The following GRB14 variants were observed in gnomAD, a reference collection of about 807,000 sequenced individuals.
GRB14 encodes the protein growth factor receptor-bound protein 14.
A neutral mutation model predicts 69.1 loss-of-function variants in GRB14; 38 were observed. The ratio of observed to expected loss-of-function variants is 0.55; its 90% CI spans 0.42 to 0.72. The LOEUF is 0.72. GRB14 is among the 30% of genes least tolerant of loss of function. The pLI is 0.00. For synonymous variants in GRB14, 247 were observed against 241.3 expected (o/e 1.02, Z -0.22); for missense variants, 666 against 666.1 (o/e 1.00, Z 0.00).
At chr2:164,605,897 C>T (rs1450844174) in intron 2 of GRB14, among the ~76,000 whole-genome samples, 1 of 152,106 alleles carries the variant, frequency 6.6e-6, no homozygotes, top group African/African-American at 2.4e-5. Flanking sequence ...GGAGCCACTT[C>T]CCACAGAAAT....
intron 2 of GRB14, among the ~76,000 whole-genome samples, chr2:164,551,534 T>C (rs1688537993): frequency 6.6e-6 from 1 of 152,186 alleles, no homozygotes; most frequent in Admixed American, 6.5e-5. Context: ...TAAATAGGAT[T>C]AGTGTCCTAT....
chr2:164,604,295 G>A (rs964781025), intron 2 of GRB14, among the ~76,000 whole-genome samples: 3 of 152,102 alleles, frequency 2.0e-5, no homozygotes, highest in Admixed American at 6.6e-5. Context: ...TTTAATGATG[G>A]AAATTGAGAA....
intron 4 of GRB14, 46 bp downstream of exon 4, chr2:164,526,968 A>G: frequency 1.4e-6 from 2 of 1,409,998 alleles, no homozygotes; most frequent in Non-Finnish European, 9.6e-7. Context: ...ATAAAATTTA[A>G]CGGGTTCATT....
intron 2 of GRB14, among the ~76,000 whole-genome samples, chr2:164,548,564 G>A (rs916492017): frequency 6.6e-6 from 1 of 152,208 alleles, no homozygotes; most frequent in East Asian, 1.9e-4. Context: ...ACTCCTTTGG[G>A]TATATATCCA....
intron 2 of GRB14, among the ~76,000 whole-genome samples, chr2:164,559,295 T>A (rs971680473): frequency 1.3e-5 from 2 of 152,098 alleles, no homozygotes; most frequent in Non-Finnish European, 2.9e-5. Flanking sequence ...CTTTTCTTAT[T>A]TTATTTTATT....
At chr2:164,512,004 C>T (rs1203538629) in intron 6 of GRB14, among the ~76,000 whole-genome samples, 1 of 152,128 alleles carries the variant, frequency 6.6e-6, no homozygotes, top group Non-Finnish European at 1.5e-5. Context: ...GCAGTACTCC[C>T]TGGGGACTTG....
chr2:164,550,112 T>C (rs1202544005), intron 2 of GRB14, among the ~76,000 whole-genome samples: 3 of 152,130 alleles, frequency 2.0e-5, no homozygotes, highest in Non-Finnish European at 4.4e-5. Context: ...ATCCTTTCTC[T>C]TTTCTCCCCT....
At chr2:164,583,782 A>G (rs1689470412) in intron 2 of GRB14, among the ~76,000 whole-genome samples, 2 of 152,326 alleles carry the variant, frequency 1.3e-5, no homozygotes, top group African/African-American at 2.4e-5. Context: ...TCATTCTTAC[A>G]TTAAAATAGA....
At position 164,525,347 on chromosome 2, in the gene GRB14, G is replaced by A. The variant is rs1356409505; in HGVS notation, c.604-269C>T. Among the ~76,000 whole-genome samples, 13 of 152,192 alleles carry A rather than the reference G, an allele frequency of 8.5e-5. No individual in the cohort carries two copies. In the South Asian group the frequency reaches 1.7e-3, roughly 19 times the overall value. On this transcript the variant is annotated intron_variant, in intron 4 of 13. Coordinates refer to ENST00000263915, the MANE Select transcript of GRB14 (RefSeq NM_004490.3). The stretch of plus-strand genomic sequence containing the variant: ...TGGAGTTATAAAACACTGCCCTGAA[G>A]TTGACAATGTGCTTGCTCCCACATC...
chr2:164,608,821 C>T (rs569714575), intron 2 of GRB14, among the ~76,000 whole-genome samples: 10 of 151,976 alleles, frequency 6.6e-5, no homozygotes, highest in Middle Eastern at 3.4e-3. Flanking sequence ...GGAATGCAAA[C>T]GGTACATGCA....
intron 6 of GRB14, among the ~76,000 whole-genome samples, chr2:164,517,560 G>T (rs936998657): frequency 6.6e-6 from 1 of 152,072 alleles, no homozygotes; most frequent in Non-Finnish European, 1.5e-5. Context: ...CCACTTAAAA[G>T]ATACAGAATG....
intron 6 of GRB14, among the ~76,000 whole-genome samples, chr2:164,515,827 A>G (rs1687469729): frequency 6.6e-6 from 1 of 151,126 alleles, no homozygotes. Context: ...GCCATGATAC[A>G]AGATATGAAG....
intron 2 of GRB14, among the ~76,000 whole-genome samples, chr2:164,558,484 C>T (rs776536411): frequency 2.6e-5 from 4 of 152,126 alleles, no homozygotes; most frequent in Non-Finnish European, 5.9e-5. Context: ...TAAAGAGGTT[C>T]AAATCACAAA....
intron 8 of GRB14, among the ~76,000 whole-genome samples, chr2:164,507,827 T>C (rs1687232099): frequency 6.6e-6 from 1 of 152,222 alleles, no homozygotes; most frequent in African/African-American, 2.4e-5. Context: ...ATGCTTTCTA[T>C]ACATTCTGGA....
intron 2 of GRB14, among the ~76,000 whole-genome samples, chr2:164,553,345 T>C (rs1022000960): frequency 6.6e-6 from 1 of 152,176 alleles, no homozygotes; most frequent in Non-Finnish European, 1.5e-5. Flanking sequence ...GATGCACAAA[T>C]TTAGAGGGGC....
At chr2:164,536,135 A>G (rs16849569) in intron 3 of GRB14, among the ~76,000 whole-genome samples, 15,290 of 152,242 alleles carry the variant, frequency 0.1, 1,075 homozygotes, top group East Asian at 0.34. Flanking sequence ...TGTACTTTGT[A>G]ATCCATCCTT....
At chr2:164,532,541 A>G (rs1687972760) in intron 3 of GRB14, among the ~76,000 whole-genome samples, 1 of 152,218 alleles carries the variant, frequency 6.6e-6, no homozygotes, top group South Asian at 2.1e-4. Flanking sequence ...ACCTAAATCC[A>G]ATCACATATA....
chr2:164,496,813 A>G (rs17353146), intron 12 of GRB14, among the ~76,000 whole-genome samples, 195 bp downstream of exon 12: 25,232 of 152,192 alleles, frequency 0.17, 2,196 homozygotes, highest in Middle Eastern at 0.19. Context: ...ATATACAAAT[A>G]CCAGACACAC....
intron 6 of GRB14, among the ~76,000 whole-genome samples, chr2:164,510,696 T>G (rs1687317044): frequency 6.6e-6 from 1 of 152,168 alleles, no homozygotes; most frequent in South Asian, 2.1e-4. Flanking sequence ...CAAAATCAGA[T>G]GAGCACTCAC....
Sources: gnomAD v4.1 joint callset for allele counts (sites outside exome capture counted in the v4.1 genomes callset) on GRCh38, gnomAD v4.1.1 for gene constraint, MANE v1.5 for transcripts, NCBI Gene and HGNC (gene_info 2026-07-23, HGNC 2026-07-21) for gene names.